DAP: variants seen among roughly 807,000 people sequenced by gnomAD.
DAP encodes death associated protein, also known as death-associated protein 1.
Under a neutral mutation model 13.8 loss-of-function variants are expected in DAP, and 8 were observed. The ratio of observed to expected loss-of-function variants is 0.58; its 90% CI spans 0.34 to 1.05. The LOEUF (loss-of-function observed/expected upper bound fraction) is 1.05. Ranked by LOEUF, DAP falls within the 50% of genes least tolerant of loss-of-function variation. The pLI is 0.03. For missense variants in DAP, 106 were observed against 133.2 expected (o/e 0.80, Z 1.01); for synonymous variants, 47 against 47.5 (o/e 0.99, Z 0.04).
intron 2 of DAP, among the ~76,000 whole-genome samples, chr5:10,689,434 T>C (rs928253402): frequency 6.6e-6 from 1 of 152,138 alleles, no homozygotes; most frequent in Non-Finnish European, 1.5e-5. Context: ...TTGCAGCGTC[T>C]AAGAGTCCAC....
chr5:10,760,528 G>C (rs572910041), intron 1 of DAP, among the ~76,000 whole-genome samples: 1 of 152,302 alleles, frequency 6.6e-6, no homozygotes, highest in African/African-American at 2.4e-5. Context: ...AAGTCATATT[G>C]AGTGATTAAT....
intron 1 of DAP, 103 bp from the exon 2 acceptor site, chr5:10,748,374 A>G: frequency 1.2e-6 from 1 of 846,510 alleles, no homozygotes; most frequent in Non-Finnish European, 2.0e-6. Context: ...GCCACAAGTC[A>G]GTCTGGAGAA....
intron 2 of DAP, among the ~76,000 whole-genome samples, chr5:10,702,575 T>A (rs1478398719): frequency 1.3e-5 from 2 of 152,168 alleles, no homozygotes; most frequent in African/African-American, 4.8e-5. Flanking sequence ...CTTCTTCAGA[T>A]CTTTTCAAGG....
At position 10,748,166 on chromosome 5, in the gene DAP, T is replaced by G; in HGVS notation, c.152+9A>C. 6.3e-7 allele frequency: 1 copy of G among 1,591,894 alleles called. No homozygotes were observed. Among genetic ancestry groups the G allele is most frequent in the Non-Finnish European group, 8.6e-7 (1 of 1,159,716 alleles). On this transcript the variant is annotated intron_variant, in intron 2 of 3. Coordinates refer to ENST00000230895, the MANE Select transcript of DAP (RefSeq NM_004394.3). ...AAAACATGCTCAAGAGTCGCTAGCA[T>G]CATCCCACCTGGGGCTTTCCCATTC...
At chr5:10,740,128 T>C (rs1739720142) in intron 2 of DAP, among the ~76,000 whole-genome samples, 1 of 152,002 alleles carries the variant, frequency 6.6e-6, no homozygotes, top group Admixed American at 6.6e-5. Flanking sequence ...AAAAGCCAAA[T>C]GGAAGTGGAA....
chr5:10,757,446 G>C (rs1483824732), intron 1 of DAP, among the ~76,000 whole-genome samples: 1 of 152,102 alleles, frequency 6.6e-6, no homozygotes, highest in Non-Finnish European at 1.5e-5. Context: ...GACTAATTTT[G>C]TATTTTTGGT....
intron 2 of DAP, among the ~76,000 whole-genome samples, chr5:10,702,062 G>A (rs1386870542): frequency 1.3e-5 from 2 of 152,188 alleles, no homozygotes; most frequent in Non-Finnish European, 2.9e-5. Context: ...GTTGCCATAA[G>A]AACTTCCCAA....
intron 1 of DAP, among the ~76,000 whole-genome samples, chr5:10,757,080 C>T (rs948611769): frequency 1.3e-5 from 2 of 152,108 alleles, no homozygotes; most frequent in Non-Finnish European, 2.9e-5. Flanking sequence ...TGTATTTGCA[C>T]AGCACCTTTC....
At chr5:10,695,904 A>C (rs1738427727) in intron 2 of DAP, among the ~76,000 whole-genome samples, 1 of 151,960 alleles carries the variant, frequency 6.6e-6, no homozygotes, top group Admixed American at 6.6e-5. Flanking sequence ...TAAACCCCCA[A>C]GTTCTGAGTG....
At chr5:10,741,978 T>C (rs1374251401) in intron 2 of DAP, among the ~76,000 whole-genome samples, 1 of 152,254 alleles carries the variant, frequency 6.6e-6, no homozygotes. Context: ...ACTTTGAGAC[T>C]ACGCAAATAT....
At chr5:10,686,363 T>C (rs1738153984) in intron 2 of DAP, among the ~76,000 whole-genome samples, 1 of 152,094 alleles carries the variant, frequency 6.6e-6, no homozygotes, top group African/African-American at 2.4e-5. Flanking sequence ...AATCAAAAGC[T>C]AGAAATGACC....
chr5:10,742,558 C>T (rs1461185252), intron 2 of DAP, among the ~76,000 whole-genome samples: 1 of 152,168 alleles, frequency 6.6e-6, no homozygotes, highest in Non-Finnish European at 1.5e-5. Context: ...CTAATACTAT[C>T]ACTTTGTTGC....
intron 2 of DAP, among the ~76,000 whole-genome samples, chr5:10,688,508 A>G (rs1422022821): frequency 6.6e-6 from 1 of 152,202 alleles, no homozygotes; most frequent in Non-Finnish European, 1.5e-5. Flanking sequence ...GACTCACTTT[A>G]TCACAATATT....
chr5:10,760,738 G>A (rs1267502570), intron 1 of DAP, among the ~76,000 whole-genome samples: 1 of 152,208 alleles, frequency 6.6e-6, no homozygotes. Flanking sequence ...CCAAGGCACC[G>A]GAGCCTGCGC....
chr5:10,755,040 G>C (rs1740148517), intron 1 of DAP, among the ~76,000 whole-genome samples: 1 of 152,208 alleles, frequency 6.6e-6, no homozygotes. Context: ...CTGCTATTCT[G>C]TGCTTAGAAT....
intron 2 of DAP, among the ~76,000 whole-genome samples, chr5:10,735,122 A>G (rs1302959981): frequency 6.6e-6 from 1 of 152,216 alleles, no homozygotes; most frequent in East Asian, 1.9e-4. Context: ...TGCTCAGATG[A>G]TGAATTTAGA....
chr5:10,703,566 A>C (rs1349687837), intron 2 of DAP, among the ~76,000 whole-genome samples: 1 of 152,282 alleles, frequency 6.6e-6, no homozygotes, highest in Non-Finnish European at 1.5e-5. Context: ...TACTCTAACA[A>C]TTAAAAGAAA....
intron 2 of DAP, among the ~76,000 whole-genome samples, chr5:10,684,271 C>T (rs1006587720): frequency 3.9e-5 from 6 of 152,204 alleles, no homozygotes; most frequent in Non-Finnish European, 7.3e-5. Context: ...CTCACTGCCT[C>T]CTCAACCCTA....
intron 2 of DAP, among the ~76,000 whole-genome samples, chr5:10,702,393 T>C (rs1049463735): frequency 1.1e-4 from 17 of 152,138 alleles, no homozygotes; most frequent in African/African-American, 4.1e-4. Context: ...AAAGAGCGAT[T>C]AGAGATAGTG....
Sources: gnomAD v4.1 joint callset for allele counts (sites outside exome capture counted in the v4.1 genomes callset) on GRCh38, gnomAD v4.1.1 for gene constraint, MANE v1.5 for transcripts, NCBI Gene and HGNC (gene_info 2026-07-23, HGNC 2026-07-21) for gene names.